THOC1: variants seen among roughly 807,000 people sequenced by gnomAD.
THOC1 encodes THO complex subunit 1.
A neutral mutation model predicts 97.3 loss-of-function variants in THOC1; 29 were observed. The observed-to-expected ratio is 0.30, with a 90% CI of 0.22 to 0.41. The LOEUF (loss-of-function observed/expected upper bound fraction) is 0.41. Among genes scored for constraint, THOC1 ranks in the 10% least tolerant of loss-of-function variants. The pLI is 1.00. For missense variants in THOC1, 529 were observed against 761.9 expected, an observed-to-expected ratio of 0.69 and a Z score of 3.60; for synonymous variants, 255 against 257.0, an observed-to-expected ratio of 0.99 and a Z score of 0.07.
chr18:258,130 A>T (rs1184593656), intron 7 of THOC1, among the ~76,000 whole-genome samples: 7 of 152,176 alleles, frequency 4.6e-5, no homozygotes, highest in Admixed American at 3.3e-4. Context: ...AATGTAGATT[A>T]TCTTCAAGAA....
At chr18:214,966 C>T (rs1440098109) in intron 20 of THOC1, 45 bp from the exon 21 acceptor site, 1 of 1,575,852 alleles carries the variant, frequency 6.3e-7, no homozygotes, top group East Asian at 2.2e-5. Context: ...TCTAAGTATA[C>T]AACAGAAATG....
chr18:216,099 A>G (rs901616162), intron 19 of THOC1: 29 of 166,136 alleles, frequency 1.7e-4, no homozygotes, highest in African/African-American at 5.3e-4. Flanking sequence ...GACTACAGGC[A>G]CGTGCCACCA....
intron 12 of THOC1, chr18:225,924 T>A (rs879408767): frequency 6.5e-6 from 1 of 153,066 alleles, no homozygotes; most frequent in Non-Finnish European, 1.5e-5. Flanking sequence ...CTGAACACTT[T>A]ACATACATTA....
rs993566783 is a variant in THOC1 at position 246,746 on chromosome 18, G to C, written c.787-291C>G. On this transcript the variant is annotated intron_variant, in intron 10 of 20. Coordinates refer to ENST00000261600, the MANE Select transcript of THOC1 (RefSeq NM_005131.3). ...AATCCCAGCACTTCGGGAGGCGGAG[G>C]GGGGCGGGTAACTTGAGATCAGGAG... 3.3e-5 allele frequency among the ~76,000 whole-genome samples: 5 copies of C among 151,988 alleles called. No homozygotes were observed. In the East Asian group the frequency reaches 5.8e-4, roughly 18 times the overall value.
chr18:221,606 C>CTTTTTT (rs369952039), intron 17 of THOC1, among the ~76,000 whole-genome samples: 22 of 110,948 alleles, frequency 2.0e-4, no homozygotes, highest in African/African-American at 5.4e-4. Context: ...ATAGATGGAT[C>CTTTTTT]TTTTTTTTTT....
rs1265966716 is a variant in THOC1 at position 242,144 on chromosome 18, T to C, written c.918+4180A>G. Among the ~76,000 whole-genome samples the C allele has an allele frequency of 1.3e-5, 2 of 152,212 alleles. No individual in the cohort carries two copies. Among genetic ancestry groups the C allele is most frequent in the Non-Finnish European group, 2.9e-5 (2 of 68,044 alleles). Reference sequence around the variant, plus strand: ...TTTATTTGTAGAACCTCTACCTACCTGTAGTTGCCACATGACTGGCCTATC... The same window carrying C: ...TTTATTTGTAGAACCTCTACCTACCCGTAGTTGCCACATGACTGGCCTATC... On this transcript the variant is annotated intron_variant, in intron 11 of 20. Coordinates refer to ENST00000261600, the MANE Select transcript of THOC1 (RefSeq NM_005131.3). This position sits in a 1 kb window ranked among gnomAD's most constrained non-coding sequence, Gnocchi z 4.5.
intron 17 of THOC1, 82 bp downstream of exon 17, chr18:223,358 C>T: frequency 9.0e-7 from 1 of 1,116,188 alleles, no homozygotes; most frequent in East Asian, 2.8e-5. Context: ...TTCATTTGAG[C>T]TCTGATCATA....
rs1450714019 is a variant in THOC1 at position 254,943 on chromosome 18, G to A, written c.521-588C>T. The stretch of plus-strand genomic sequence containing the variant: ...TGATCCTCCCACCTCAGCCTCCTGA[G>A]TAGCTGGGACTACAGGCAAGCACCA... On this transcript the variant is annotated intron_variant, in intron 7 of 20. Transcript: ENST00000261600. The surrounding 1 kb of genome is among the most constrained non-coding windows in gnomAD (Gnocchi z 4.1). Among the ~76,000 whole-genome samples, 1 of 152,062 alleles carries A rather than the reference G, an allele frequency of 6.6e-6. No individual in the cohort carries two copies. The highest frequency in any genetic ancestry group is 1.5e-5 in the Non-Finnish European group (1 of 68,024).
chr18:218,843 A>G, intron 18 of THOC1, 43 bp downstream of exon 18: 1 of 1,503,968 alleles, frequency 6.6e-7, no homozygotes, highest in Non-Finnish European at 9.1e-7. Flanking sequence ...AGGAAGAAAC[A>G]AATTGAAGAA....
In THOC1 at chr18:216,579, T is replaced by C. The variant is rs1910898956; in HGVS notation, c.1509A>G (p.Arg503=). Residue 503 remains arginine (R), a synonymous_variant, in exon 19 of 21, where the codon AGA becomes AGG. Coordinates refer to ENST00000261600, the MANE Select transcript of THOC1 (RefSeq NM_005131.3). ...TGGTTGGCTGGAAGAAGTGAGGGCT[T>C]CTCCGTGCTAATAGTCTCAGGGCTC... ...GWRALRLLAR[R]SPHFFQPTNQ... 2 of 1,613,858 alleles carry C rather than the reference T, an allele frequency of 1.2e-6. No individual in the cohort carries two copies. Among genetic ancestry groups the C allele is most frequent in the Non-Finnish European group, 1.7e-6 (2 of 1,179,886 alleles).
chr18:249,481 C>G (rs745509388), intron 9 of THOC1, among the ~76,000 whole-genome samples: 28 of 151,990 alleles, frequency 1.8e-4, no homozygotes, highest in South Asian at 8.3e-4. Context: ...GACCAACATA[C>G]TGAAACCCCA....
rs1567844223 is a variant in THOC1, at chr18:224,911, A to AGTAT, written c.1208+9_1208+12dup. ...ATGAGTATGTATTTACCTTTCTTTC[A>AGTAT]GTATGTATTTACCTTTCTTTCACAA... is the stretch of plus-strand genomic sequence containing the variant. On this transcript the variant is annotated intron_variant, in intron 15 of 20. Coordinates refer to ENST00000261600, the MANE Select transcript of THOC1 (RefSeq NM_005131.3). 23 of 1,559,146 alleles carry AGTAT rather than the reference A, an allele frequency of 1.5e-5. No homozygotes were observed. Among genetic ancestry groups the AGTAT allele is most frequent in the Non-Finnish European group, 1.9e-5 (22 of 1,148,694 alleles).
At chr18:249,518 C>G (rs1912207932) in intron 9 of THOC1, among the ~76,000 whole-genome samples, 1 of 151,976 alleles carries the variant, frequency 6.6e-6, no homozygotes, top group Non-Finnish European at 1.5e-5. Flanking sequence ...AAAAATTACC[C>G]AGGCATTGTG....
At chr18:215,613 G>C in intron 19 of THOC1, 109 bp from the exon 20 acceptor site, 1 of 803,934 alleles carries the variant, frequency 1.2e-6, no homozygotes, top group Non-Finnish European at 2.1e-6. Context: ...CAGGGTGCCA[G>C]AACCTCACCC....
intron 10 of THOC1, among the ~76,000 whole-genome samples, chr18:247,496 T>C (rs1296091699): frequency 6.6e-6 from 1 of 152,206 alleles, no homozygotes; most frequent in Non-Finnish European, 1.5e-5. Flanking sequence ...AGCAGTAGGT[T>C]AGATCTGGCC....
Position 252,607 on chromosome 18 carries a change from A to G in THOC1, c.609T>C (p.Thr203=), listed in dbSNP as rs759882989. The change falls in exon 9 of 21, where the codon ACT becomes ACC. Residue 203 remains threonine (T), a synonymous_variant. Coordinates refer to ENST00000261600, the MANE Select transcript of THOC1 (RefSeq NM_005131.3). ...EQESTLGQKH[T]EDREEGMDVE... is the part of the protein sequence containing the mutation. ...CATCCATTCCTTCTTCTCTATCTTC[A>G]GTGTGCTAAATTGAAAAAAAAATGT... 1 of 1,606,726 alleles carries G rather than the reference A, an allele frequency of 6.2e-7. No homozygotes were observed. Among genetic ancestry groups the G allele is most frequent in the Non-Finnish European group, 8.5e-7 (1 of 1,177,520 alleles).
At chr18:265,642 G>A in intron 1 of THOC1, 112 bp from the exon 2 acceptor site, 1 of 770,952 alleles carries the variant, frequency 1.3e-6, no homozygotes, top group East Asian at 2.9e-5. Flanking sequence ...CTTATACCTG[G>A]GAAAAATTAC....
intron 1 of THOC1, among the ~76,000 whole-genome samples, chr18:267,330 C>T (rs1274364714): frequency 2.0e-5 from 3 of 152,206 alleles, no homozygotes; most frequent in African/African-American, 7.2e-5. Context: ...ACTTAGCCTA[C>T]TTCACAGTGT....
rs1598304409 is a variant in THOC1 at position 254,594 on chromosome 18, C to T, written c.521-239G>A. Among the ~76,000 whole-genome samples the T allele has an allele frequency of 2.0e-5, 3 of 152,180 alleles. No individual in the cohort carries two copies. In the East Asian group the frequency reaches 5.8e-4, roughly 29 times the overall value. On this transcript the variant is annotated intron_variant, in intron 7 of 20. Transcript: ENST00000261600. The surrounding 1 kb of genome is among the most constrained non-coding windows in gnomAD (Gnocchi z 4.1). ...TTTTTTTAAATAAATTGAATGGCAACCCTGCATCGTGCAAGTCTATCAGCA... is the reference window on the plus strand; with the variant it reads ...TTTTTTTAAATAAATTGAATGGCAATCCTGCATCGTGCAAGTCTATCAGCA...
Sources: allele counts gnomAD v4.1 joint callset (sites outside exome capture counted in the v4.1 genomes callset), GRCh38; gene constraint gnomAD v4.1.1; non-coding constraint Gnocchi (gnomAD v3.1); transcripts MANE v1.5; gene names NCBI Gene and HGNC (gene_info 2026-07-23, HGNC 2026-07-21).